The following RAPGEF2 variants were observed in gnomAD, a reference collection of about 807,000 sequenced individuals.
RAPGEF2 encodes the protein PDZ domain containing guanine nucleotide exchange factor (GEF) 1.
In RAPGEF2, 54 loss-of-function variants were observed where a neutral mutation model predicts 186.7. The observed-to-expected ratio is 0.29, with a 90% CI of 0.23 to 0.36. The LOEUF (loss-of-function observed/expected upper bound fraction) is 0.36. Ranked by LOEUF, RAPGEF2 falls within the 10% of genes least tolerant of loss-of-function variation. The probability of loss-of-function intolerance (pLI) is 1.00; values close to 1 mark genes in which losing one functional copy is unlikely to be tolerated. For missense variants in RAPGEF2, 1,532 were observed against 2,045.0 expected (o/e 0.75, Z 4.84); for synonymous variants, 712 against 705.9 (o/e 1.01, Z -0.14).
chr4:159,180,281 C>A (rs751214561), intron 1 of RAPGEF2, among the ~76,000 whole-genome samples: 1 of 151,038 alleles, frequency 6.6e-6, no homozygotes, highest in Non-Finnish European at 1.5e-5. Context: ...AGTAAACTTT[C>A]TTTCATTTTT....
chr4:159,301,178 G>T (rs1342217023), intron 7 of RAPGEF2, among the ~76,000 whole-genome samples: 4 of 152,114 alleles, frequency 2.6e-5, no homozygotes, highest in African/African-American at 9.7e-5. Context: ...TTTGAGACCA[G>T]CTTGGCCAAC....
intron 1 of RAPGEF2, among the ~76,000 whole-genome samples, chr4:159,180,179 T>A (rs773180301): frequency 4.5e-4 from 69 of 152,248 alleles, no homozygotes; most frequent in Admixed American, 4.6e-4. Context: ...CGATCTGTGG[T>A]AACTAATATT....
At chr4:159,267,878 T>C in intron 7 of RAPGEF2, 1 of 1,125,502 alleles carries the variant, frequency 8.9e-7, no homozygotes, top group Non-Finnish European at 1.1e-6. Context: ...GACTGAGAGC[T>C]GTGTGAGGTT....
chr4:159,151,382 A>C (rs1288135495), intron 1 of RAPGEF2, among the ~76,000 whole-genome samples: 1 of 152,164 alleles, frequency 6.6e-6, no homozygotes, highest in Non-Finnish European at 1.5e-5. Context: ...AAATGACCCA[A>C]TTTTGAGCAG....
intron 1 of RAPGEF2, among the ~76,000 whole-genome samples, chr4:159,177,760 G>A (rs1288961778): frequency 2.0e-5 from 3 of 152,190 alleles, no homozygotes; most frequent in Admixed American, 2.0e-4. Flanking sequence ...GGGTATAGAT[G>A]TGAATTTGAG....
At chr4:159,117,602 T>C (rs1739186035) in intron 1 of RAPGEF2, among the ~76,000 whole-genome samples, 1 of 152,120 alleles carries the variant, frequency 6.6e-6, no homozygotes, top group Non-Finnish European at 1.5e-5. Flanking sequence ...TTTTCGTAGT[T>C]ACAAATTCAT....
chr4:159,206,633 G>A (rs1202456829), intron 3 of RAPGEF2, among the ~76,000 whole-genome samples: 1 of 152,198 alleles, frequency 6.6e-6, no homozygotes, highest in Non-Finnish European at 1.5e-5. Context: ...AGTGTTTGCA[G>A]ACCTTGAAGG....
At chr4:159,147,372 C>CT (rs796242376) in intron 1 of RAPGEF2, among the ~76,000 whole-genome samples, 3,710 of 145,602 alleles carry the variant, frequency 0.025, 111 homozygotes, top group African/African-American at 0.074. Flanking sequence ...ACAAAAATAC[C>CT]TTTTTTTTTT....
intron 1 of RAPGEF2, among the ~76,000 whole-genome samples, chr4:159,144,142 A>G (rs1054601818): frequency 1.3e-5 from 2 of 152,094 alleles, no homozygotes; most frequent in African/African-American, 2.4e-5. Flanking sequence ...TGTCCTTCCA[A>G]TCCATGTTTT....
chr4:159,156,563 C>G (rs961707796), intron 1 of RAPGEF2, among the ~76,000 whole-genome samples: 2 of 151,766 alleles, frequency 1.3e-5, no homozygotes, highest in Admixed American at 1.3e-4. Context: ...ATACATGTGC[C>G]CATTTTGGTT....
At position 159,165,304 on chromosome 4, in the gene RAPGEF2, A is replaced by C. The variant is rs148182380; in HGVS notation, c.70-21338A>C. On this transcript the variant is annotated intron_variant, in intron 1 of 29. Transcript: ENST00000691494. ...CATTAAAATAGACCAACTGGTACAA[A>C]GTTTTAATCTTTTCTGGAGTAACTA... 1.9e-3 allele frequency among the ~76,000 whole-genome samples: 286 copies of C among 152,244 alleles called. 2 individuals are homozygous for C. Among genetic ancestry groups the C allele is most frequent in the African/African-American group, 6.5e-3 (269 of 41,548 alleles).
intron 5 of RAPGEF2, among the ~76,000 whole-genome samples, chr4:159,239,161 T>A (rs1378357348): frequency 6.6e-6 from 1 of 152,178 alleles, no homozygotes; most frequent in African/African-American, 2.4e-5. Flanking sequence ...TCTATAATAA[T>A]GCCATTTAAT....
At position 159,329,975 on chromosome 4, in the gene RAPGEF2, C is replaced by T. The variant is rs2111195406; in HGVS notation, c.1267C>T (p.Arg423Ter). ...VMVKEHRELDRTGTRKGHIVI... is the reference protein window; with the variant it reads ...VMVKEHRELD ...GGTGAAAGAACACCGAGAACTTGAT[C>T]GAACTGGAACAAGAAAGGGACACAT... Residue 423 changes from arginine (R) to a stop codon, truncating the protein, a stop_gained, in exon 12 of 30, where the codon CGA becomes TGA. Transcript: ENST00000691494. LOFTEE classifies it high-confidence loss of function. 1 of 1,612,760 alleles carries T rather than the reference C, an allele frequency of 6.2e-7. No homozygotes were observed.
chr4:159,326,547 GATTT>G (rs1765950636), intron 11 of RAPGEF2: 1 of 152,306 alleles, frequency 6.6e-6, no homozygotes, highest in Admixed American at 6.5e-5. Context: ...TTAAATTTAA[GATTT>G]ATTTGTTTGG....
chr4:159,226,066 C>G (rs1752001220), intron 4 of RAPGEF2, among the ~76,000 whole-genome samples: 1 of 152,072 alleles, frequency 6.6e-6, no homozygotes, highest in African/African-American at 2.4e-5. Flanking sequence ...AACCTGATGT[C>G]ATAAAGGTTT....
chr4:159,142,534 A>G (rs1742468393), intron 1 of RAPGEF2, among the ~76,000 whole-genome samples: 2 of 151,664 alleles, frequency 1.3e-5, no homozygotes, highest in Non-Finnish European at 2.9e-5. Flanking sequence ...TTTATATGAA[A>G]TTTTTCAAAA....
At chr4:159,345,032 GTCTTGGCAC>G in intron 23 of RAPGEF2, 65 bp from the exon 24 acceptor site, 1 of 1,264,208 alleles carries the variant, frequency 7.9e-7, no homozygotes, top group Non-Finnish European at 1.1e-6. Flanking sequence ...ATTAATATCA[GTCTTGGCAC>G]ATTTTAAATA....
intron 1 of RAPGEF2, among the ~76,000 whole-genome samples, chr4:159,140,427 GTA>G (rs1285374588): frequency 2.0e-5 from 3 of 152,154 alleles, no homozygotes; most frequent in African/African-American, 7.2e-5. Context: ...TTATTGGAAG[GTA>G]TATATTAATT....
chr4:159,305,001 T>C (rs1763108029), intron 8 of RAPGEF2, among the ~76,000 whole-genome samples: 1 of 152,182 alleles, frequency 6.6e-6, no homozygotes, highest in African/African-American at 2.4e-5. Flanking sequence ...TCCATATTGC[T>C]GCAAAAGACA....
Sources: allele counts gnomAD v4.1 joint callset (sites outside exome capture counted in the v4.1 genomes callset), GRCh38; gene constraint gnomAD v4.1.1; transcripts MANE v1.5; gene names NCBI Gene and HGNC (gene_info 2026-07-23, HGNC 2026-07-21).